RAB33A: variants seen among roughly 807,000 people sequenced by gnomAD.
RAB33A encodes RAB33A, member RAS oncogene family.
A neutral mutation model predicts 12.0 loss-of-function variants in RAB33A; 6 were observed. That is an observed-to-expected ratio of 0.50 (90% CI 0.27 to 0.99). The LOEUF (loss-of-function observed/expected upper bound fraction) is 0.99, where lower values mean the gene tolerates loss of function less well. Ranked by LOEUF, RAB33A falls within the 50% of genes least tolerant of loss-of-function variation. The pLI is 0.11. For missense variants in RAB33A, 109 were observed against 192.0 expected, an observed-to-expected ratio of 0.57 and a Z score of 2.55; for synonymous variants, 70 against 82.4, an observed-to-expected ratio of 0.85 and a Z score of 0.81.
At chrX:130,143,927 C>T in the RAB33A span, among the ~76,000 whole-genome samples, 1 of 111,602 alleles carries the variant, frequency 9.0e-6, no homozygotes, top group Non-Finnish European at 1.9e-5. Flanking sequence ...GGTTCCAATT[C>T]TGTGGCTCAG....
chrX:130,169,835 G>T (rs1227699603), upstream of RAB33A, among the ~76,000 whole-genome samples: 1 of 112,150 alleles, frequency 8.9e-6, no homozygotes, highest in Non-Finnish European at 1.9e-5. Context: ...AAAGGGCAAA[G>T]CCCCTTTCTA....
At chrX:130,153,389 C>T in the RAB33A span, among the ~76,000 whole-genome samples, 1 of 107,109 alleles carries the variant, frequency 9.3e-6, no homozygotes, top group South Asian at 4.1e-4. Flanking sequence ...GCAGTTTACT[C>T]CCTTTTTTTG....
chrX:130,134,419 C>T, the RAB33A span, among the ~76,000 whole-genome samples: 3 of 110,798 alleles, frequency 2.7e-5, no homozygotes, highest in Admixed American at 1.9e-4. Flanking sequence ...CTGCCTCTCA[C>T]CTAGAAATGT....
At chrX:130,166,658 GTATT>G in the RAB33A span, among the ~76,000 whole-genome samples, 2 of 112,510 alleles carry the variant, frequency 1.8e-5, no homozygotes, top group Non-Finnish European at 3.7e-5. Flanking sequence ...CATTTAACAA[GTATT>G]TATTGAGCAC....
upstream of RAB33A, among the ~76,000 whole-genome samples, chrX:130,169,183 G>A (rs1488666027): frequency 2.0e-5 from 2 of 101,906 alleles, no homozygotes; most frequent in East Asian, 3.0e-4. Context: ...ACTCCAGCCC[G>A]GGTGACAGAG....
At chrX:130,182,742 G>A (rs2031745068) in intron 1 of RAB33A, among the ~76,000 whole-genome samples, 2 of 108,701 alleles carry the variant, frequency 1.8e-5, no homozygotes, top group Admixed American at 9.8e-5. Context: ...CAACAGGAAC[G>A]AAATTCTGTC....
At chrX:130,162,269 T>G in the RAB33A span, among the ~76,000 whole-genome samples, 2 of 111,893 alleles carry the variant, frequency 1.8e-5, no homozygotes, top group Non-Finnish European at 3.8e-5. Flanking sequence ...TCAGTTTGGT[T>G]TTTTAATCCT....
intron 1 of RAB33A, among the ~76,000 whole-genome samples, chrX:130,176,290 A>T (rs1184949380): frequency 9.0e-6 from 1 of 111,676 alleles, no homozygotes; most frequent in Admixed American, 9.5e-5. Flanking sequence ...GTGTGTAGAG[A>T]GGGAGGGTAT....
intron 1 of RAB33A, among the ~76,000 whole-genome samples, chrX:130,176,712 TGA>T (rs1267291035): frequency 8.9e-6 from 1 of 112,248 alleles, no homozygotes; most frequent in Non-Finnish European, 1.9e-5. Context: ...TTTCTGTGTG[TGA>T]GTTTCTCTTT....
the RAB33A span, among the ~76,000 whole-genome samples, chrX:130,118,337 C>T: frequency 1.8e-5 from 2 of 112,423 alleles, no homozygotes; most frequent in African/African-American, 6.5e-5. Context: ...CCAATTTCAT[C>T]CACTCTGCAT....
chrX:130,134,442 CT>C, the RAB33A span, among the ~76,000 whole-genome samples: 1 of 110,634 alleles, frequency 9.0e-6, no homozygotes, highest in African/African-American at 3.3e-5. Flanking sequence ...TCTTAGATTT[CT>C]TTTTGTCACT....
At chrX:130,166,304 G>A in the RAB33A span, among the ~76,000 whole-genome samples, 1 of 110,548 alleles carries the variant, frequency 9.0e-6, no homozygotes, top group Admixed American at 9.7e-5. Flanking sequence ...CACCCAACCC[G>A]TTTCCTGGAC....
the RAB33A span, among the ~76,000 whole-genome samples, chrX:130,162,934 A>G: frequency 4.5e-5 from 5 of 112,205 alleles, no homozygotes; most frequent in African/African-American, 1.6e-4. Flanking sequence ...AGAGCATCCA[A>G]ATAAATAAAG....
the RAB33A span, among the ~76,000 whole-genome samples, chrX:130,165,182 G>A: frequency 1.8e-4 from 18 of 100,613 alleles, no homozygotes; most frequent in Non-Finnish European, 2.4e-4. Context: ...GGGCTTAAAC[G>A]TCCTGTTTAA....
the RAB33A span, chrX:130,136,720 C>A: frequency 2.5e-6 from 3 of 1,207,609 alleles, no homozygotes; most frequent in Non-Finnish European, 3.4e-6. Context: ...TTGGGCATCA[C>A]CTTAACCCCC....
upstream of RAB33A, among the ~76,000 whole-genome samples, chrX:130,170,516 A>G (rs1488175271): frequency 8.9e-6 from 1 of 112,542 alleles, no homozygotes; most frequent in Non-Finnish European, 1.9e-5. Flanking sequence ...TATCGTATGT[A>G]AATTGTACCC....
the RAB33A span, among the ~76,000 whole-genome samples, chrX:130,113,252 T>C: frequency 9.4e-6 from 1 of 106,855 alleles, no homozygotes; most frequent in African/African-American, 3.4e-5. Flanking sequence ...GGCTAATTTT[T>C]TGTATTTTTT....
chrX:130,129,483 T>C, the RAB33A span: 1 of 872,393 alleles, frequency 1.1e-6, no homozygotes, highest in Admixed American at 2.2e-5. Flanking sequence ...GTCTGCTGAA[T>C]AAAAAAATGC....
At chrX:130,165,406 C>A in the RAB33A span, 1 of 540,096 alleles carries the variant, frequency 1.9e-6, no homozygotes, top group Non-Finnish European at 3.3e-6. Context: ...TTGCAAGACT[C>A]AGGGTTCGGA....
Sources: allele counts gnomAD v4.1 joint callset (sites outside exome capture counted in the v4.1 genomes callset), GRCh38; gene constraint gnomAD v4.1.1; transcripts MANE v1.5; gene names NCBI Gene and HGNC (gene_info 2026-07-23, HGNC 2026-07-21).